PRR16: variants seen among roughly 807,000 people sequenced by gnomAD.
PRR16 encodes proline rich 16.
In PRR16, 6 loss-of-function variants were observed where a neutral mutation model predicts 18.2. The observed-to-expected ratio is 0.33, with a 90% CI of 0.18 to 0.65. PRR16 has a LOEUF of 0.65. Ranked by LOEUF, PRR16 falls within the 30% of genes least tolerant of loss-of-function variation. The probability of loss-of-function intolerance (pLI) is 0.74; values close to 1 mark genes in which losing one functional copy is unlikely to be tolerated. For synonymous variants in PRR16, 151 were observed against 147.8 expected (o/e 1.02, Z -0.16); for missense variants, 412 against 376.6 (o/e 1.09, Z -0.78).
the PRR16 span, among the ~76,000 whole-genome samples, chr5:120,769,205 G>C: frequency 2.6e-5 from 4 of 151,454 alleles, no homozygotes; most frequent in African/African-American, 7.3e-5. Flanking sequence ...TTTTGTTAAG[G>C]TATTTGATAC....
At chr5:120,533,486 A>T (rs1260899151) in intron 1 of PRR16, among the ~76,000 whole-genome samples, 1 of 152,194 alleles carries the variant, frequency 6.6e-6, no homozygotes, top group Non-Finnish European at 1.5e-5. Flanking sequence ...TTGAGTGCTA[A>T]GGGAGGGGTA....
intron 1 of PRR16, among the ~76,000 whole-genome samples, chr5:120,568,933 C>T (rs1385106180): frequency 1.3e-5 from 2 of 151,994 alleles, no homozygotes; most frequent in African/African-American, 2.4e-5. Flanking sequence ...ATAGCATCAC[C>T]AGCCATCTCT....
At chr5:120,793,961 G>T in the PRR16 span, among the ~76,000 whole-genome samples, 2 of 152,070 alleles carry the variant, frequency 1.3e-5, no homozygotes, top group Admixed American at 1.3e-4. Context: ...TGAAAATGTG[G>T]TATTACCTTG....
chr5:120,515,643 C>A (rs1024284077), intron 1 of PRR16, among the ~76,000 whole-genome samples: 1 of 151,934 alleles, frequency 6.6e-6, no homozygotes, highest in African/African-American at 2.4e-5. Context: ...TGAAAAAAAC[C>A]CAGATTAATA....
intron 1 of PRR16, among the ~76,000 whole-genome samples, chr5:120,635,101 C>T (rs959951725): frequency 2.6e-5 from 4 of 151,972 alleles, no homozygotes; most frequent in African/African-American, 9.7e-5. Context: ...CAATAACAAG[C>T]AGTAAGGTTG....
the PRR16 span, among the ~76,000 whole-genome samples, chr5:120,700,860 G>A: frequency 5.2e-4 from 79 of 152,314 alleles, 1 homozygote; most frequent in African/African-American, 1.8e-3. Context: ...GTCTTCAGCC[G>A]CTAAGCCGAG....
At chr5:120,728,716 G>A in the PRR16 span, among the ~76,000 whole-genome samples, 1 of 152,096 alleles carries the variant, frequency 6.6e-6, no homozygotes. Context: ...CTGCATCTGG[G>A]CAGGAGTAAC....
chr5:120,676,689 C>A (rs1484284498), intron 1 of PRR16, among the ~76,000 whole-genome samples: 1 of 151,992 alleles, frequency 6.6e-6, no homozygotes, highest in African/African-American at 2.4e-5. Context: ...AACTTAAGAA[C>A]AATGTGGAAA....
intron 1 of PRR16, among the ~76,000 whole-genome samples, chr5:120,684,210 G>T (rs1757053072): frequency 6.6e-6 from 1 of 152,170 alleles, no homozygotes; most frequent in African/African-American, 2.4e-5. Flanking sequence ...AATACTAGAA[G>T]AAATTTGTTG....
At chr5:120,741,603 T>G in the PRR16 span, among the ~76,000 whole-genome samples, 1 of 152,046 alleles carries the variant, frequency 6.6e-6, no homozygotes, top group African/African-American at 2.4e-5. Context: ...GTGGAGTGTT[T>G]TGTTTTGTTT....
intron 1 of PRR16, among the ~76,000 whole-genome samples, chr5:120,533,526 T>C (rs1406381205): frequency 1.3e-5 from 2 of 152,072 alleles, no homozygotes; most frequent in Non-Finnish European, 2.9e-5. Context: ...GTAGAATAAT[T>C]GTGGAAAAGA....
the PRR16 span, among the ~76,000 whole-genome samples, chr5:120,725,805 T>G: frequency 6.6e-6 from 1 of 152,030 alleles, no homozygotes; most frequent in Non-Finnish European, 1.5e-5. Context: ...AAATACTGGG[T>G]AAAATTGATT....
chr5:120,666,075 T>C (rs1441266410), intron 1 of PRR16, among the ~76,000 whole-genome samples: 1 of 152,214 alleles, frequency 6.6e-6, no homozygotes, highest in Non-Finnish European at 1.5e-5. Context: ...CGATATTGAT[T>C]CTTCCTACCC....
At chr5:120,546,909 G>C (rs964683126) in intron 1 of PRR16, among the ~76,000 whole-genome samples, 1 of 152,048 alleles carries the variant, frequency 6.6e-6, no homozygotes, top group African/African-American at 2.4e-5. Flanking sequence ...CTCCAGAGTG[G>C]CAGTATATGG....
At chr5:120,680,708 T>C (rs1414678268) in intron 1 of PRR16, among the ~76,000 whole-genome samples, 1 of 152,182 alleles carries the variant, frequency 6.6e-6, no homozygotes, top group Non-Finnish European at 1.5e-5. Context: ...CAATTGGGAT[T>C]ATCAGGTTGT....
intron 1 of PRR16, among the ~76,000 whole-genome samples, chr5:120,630,979 G>A (rs551811092): frequency 6.6e-6 from 1 of 152,194 alleles, no homozygotes; most frequent in East Asian, 1.9e-4. Context: ...TTTAGCTGTG[G>A]TTTCTCTAAA....
the PRR16 span, among the ~76,000 whole-genome samples, chr5:120,704,823 T>C: frequency 3.3e-5 from 5 of 152,192 alleles, no homozygotes; most frequent in East Asian, 9.6e-4. Context: ...ATTGAGACAG[T>C]ATATAGTCAG....
At chr5:120,770,066 T>C in the PRR16 span, among the ~76,000 whole-genome samples, 1 of 152,064 alleles carries the variant, frequency 6.6e-6, no homozygotes. Flanking sequence ...TGTTAATTGT[T>C]GAGTTACATT....
chr5:120,611,312 C>G (rs1020797933), intron 1 of PRR16, among the ~76,000 whole-genome samples: 2 of 152,146 alleles, frequency 1.3e-5, no homozygotes. Flanking sequence ...AAATTCAAGC[C>G]AGCTGCAGAA....
Sources: gnomAD v4.1 joint callset for allele counts (sites outside exome capture counted in the v4.1 genomes callset) on GRCh38, gnomAD v4.1.1 for gene constraint, MANE v1.5 for transcripts, NCBI Gene and HGNC (gene_info 2026-07-23, HGNC 2026-07-21) for gene names.